ARHGEF4: variants seen among roughly 807,000 people sequenced by gnomAD.
ARHGEF4 encodes the protein APC-stimulated guanine nucleotide exchange factor 1.
Under a neutral mutation model 162.0 loss-of-function variants are expected in ARHGEF4, and 119 were observed. The observed-to-expected ratio is 0.73, with a 90% CI of 0.63 to 0.86. The LOEUF (loss-of-function observed/expected upper bound fraction) is 0.86, where lower values mean the gene tolerates loss of function less well. ARHGEF4 is among the 40% of genes least tolerant of loss of function. ARHGEF4 has a pLI of 0.00. For missense variants in ARHGEF4, 2,488 were observed against 2,456.0 expected, an observed-to-expected ratio of 1.01 and a Z score of -0.28; for synonymous variants, 1,014 against 979.9, an observed-to-expected ratio of 1.03 and a Z score of -0.65.
chr2:130,987,458 G>A (rs560300041), intron 4 of ARHGEF4, among the ~76,000 whole-genome samples: 12 of 152,360 alleles, frequency 7.9e-5, no homozygotes, highest in Non-Finnish European at 1.6e-4. Context: ...GCATGGAACA[G>A]GACCCAAGGG....
At chr2:130,843,397 G>A (rs571188248) in intron 1 of ARHGEF4, among the ~76,000 whole-genome samples, 70 of 152,372 alleles carry the variant, frequency 4.6e-4, no homozygotes, top group Middle Eastern at 3.4e-3. Flanking sequence ...TACAGAGGCT[G>A]GTCTCCTGCA....
chr2:130,966,548 C>T (rs1434650441), intron 4 of ARHGEF4, among the ~76,000 whole-genome samples: 1 of 152,238 alleles, frequency 6.6e-6, no homozygotes. Flanking sequence ...GGTGTGGTAA[C>T]TTATCCAAGG....
chr2:130,868,267 G>C (rs1461567108), intron 1 of ARHGEF4, among the ~76,000 whole-genome samples: 2 of 152,088 alleles, frequency 1.3e-5, no homozygotes, highest in African/African-American at 4.8e-5. Context: ...TGGGACTGGA[G>C]TCTCCTGGAC....
intron 1 of ARHGEF4, among the ~76,000 whole-genome samples, chr2:130,889,229 A>G (rs1679711678): frequency 6.6e-6 from 1 of 152,112 alleles, no homozygotes; most frequent in African/African-American, 2.4e-5. Flanking sequence ...TACCTTTCTC[A>G]TGGGTAATAT....
At chr2:130,849,603 C>G (rs1461249807) in intron 1 of ARHGEF4, among the ~76,000 whole-genome samples, 2 of 150,638 alleles carry the variant, frequency 1.3e-5, no homozygotes, top group African/African-American at 2.4e-5. Context: ...GAGTCTTGCT[C>G]TGTCACCCAG....
At chr2:130,977,173 A>G (rs189630339) in intron 4 of ARHGEF4, among the ~76,000 whole-genome samples, 1 of 149,072 alleles carries the variant, frequency 6.7e-6, no homozygotes, top group Non-Finnish European at 1.5e-5. Flanking sequence ...GCTTCTGTGT[A>G]TTGTGTGTTG....
chr2:131,006,714 G>A (rs767129294), intron 4 of ARHGEF4, among the ~76,000 whole-genome samples: 43 of 152,300 alleles, frequency 2.8e-4, no homozygotes, highest in Middle Eastern at 3.4e-3. Context: ...CCTGGACTGG[G>A]GAGTGGGACT....
In ARHGEF4 at chr2:131,044,372, A is replaced by G. The variant is rs1691069937; in HGVS notation, c.5231A>G (p.Glu1744Gly). 6.3e-7 allele frequency: 1 copy of G among 1,597,908 alleles called. No individual in the cohort carries two copies. The stretch of plus-strand genomic sequence containing the variant: ...GACGGCCTGGAGGTGGTGGACCTGG[A>G]GGACGGGAAGGACAGAGACCTCCAT... ...DMDGLEVVDL[E>G]DGKDRDLHVS... Residue 1744 changes from glutamate to glycine, a missense_variant, in exon 12 of 14, where the codon GAG becomes GGG. Glu to Gly is a moderately conservative substitution (Grantham distance 98). Transcript: ENST00000409359.
At chr2:130,961,407 C>T (rs1008426990) in intron 4 of ARHGEF4, among the ~76,000 whole-genome samples, 2 of 152,110 alleles carry the variant, frequency 1.3e-5, no homozygotes, top group African/African-American at 4.8e-5. Flanking sequence ...AGAAGAGCAT[C>T]CCAGGTGAAA....
At chr2:130,884,392 C>T (rs961652806) in intron 1 of ARHGEF4, among the ~76,000 whole-genome samples, 2 of 151,968 alleles carry the variant, frequency 1.3e-5, no homozygotes, top group Non-Finnish European at 2.9e-5. Flanking sequence ...ACTAGTTTTG[C>T]CATTTTCTAG....
intron 4 of ARHGEF4, among the ~76,000 whole-genome samples, chr2:131,026,730 G>A (rs567974355): frequency 2.0e-5 from 3 of 152,230 alleles, no homozygotes; most frequent in East Asian, 1.9e-4. Flanking sequence ...TAAATGTCTC[G>A]TAATGCCAAT....
rs1199231722 is a variant in ARHGEF4 at position 131,042,063 on chromosome 2, G to A, written c.5025+119G>A. ...CAGGGAGCTGCGCTCCTGGGAGCTAGCAACAGATGCTCATGGTGTGAAAGC... is the reference window on the plus strand; with the variant it reads ...CAGGGAGCTGCGCTCCTGGGAGCTAACAACAGATGCTCATGGTGTGAAAGC... On this transcript the variant is annotated intron_variant, in intron 10 of 13. Coordinates refer to ENST00000409359, the MANE Select transcript of ARHGEF4 (RefSeq NM_001367493.1). The A allele has an allele frequency of 1.2e-5, 17 of 1,366,736 alleles. No homozygotes were observed. In the East Asian group the frequency reaches 3.8e-4, roughly 30 times the overall value. The allele number at this position is 1,366,736 out of a possible 1,614,324, so 84.7% of individuals were successfully genotyped here.
At chr2:131,043,366 G>T in intron 10 of ARHGEF4, 86 bp from the exon 11 acceptor site, 1 of 1,573,056 alleles carries the variant, frequency 6.4e-7, no homozygotes, top group Admixed American at 1.7e-5. Context: ...CCAGGGGGAG[G>T]TGCGCCACCC....
chr2:130,958,501 C>G (rs1289117129), intron 4 of ARHGEF4, among the ~76,000 whole-genome samples: 5 of 151,882 alleles, frequency 3.3e-5, no homozygotes, highest in Admixed American at 6.6e-5. Flanking sequence ...CCTCCGCCCC[C>G]CCGATCCGAG....
chr2:130,950,360 T>C (rs947123423), intron 4 of ARHGEF4, among the ~76,000 whole-genome samples: 2 of 150,368 alleles, frequency 1.3e-5, no homozygotes, highest in African/African-American at 4.9e-5. Context: ...GCCAGGTACA[T>C]CTCTGAGAGT....
At chr2:130,911,093 G>C (rs999808309) in intron 1 of ARHGEF4, among the ~76,000 whole-genome samples, 1 of 152,124 alleles carries the variant, frequency 6.6e-6, no homozygotes, top group African/African-American at 2.4e-5. Flanking sequence ...TGAAGGTTTC[G>C]GCCAACGTCG....
chr2:131,009,263 A>G (rs967834257), intron 4 of ARHGEF4, among the ~76,000 whole-genome samples: 1 of 152,160 alleles, frequency 6.6e-6, no homozygotes, highest in Non-Finnish European at 1.5e-5. Flanking sequence ...TTCTGAGTTG[A>G]CAGTTTTTTT....
At chr2:130,988,858 G>A (rs1686698689) in intron 4 of ARHGEF4, among the ~76,000 whole-genome samples, 1 of 23,470 alleles carries the variant, frequency 4.3e-5, no homozygotes, top group Non-Finnish European at 1.2e-4. Flanking sequence ...TTGTGTGTGT[G>A]TGTGTGTGTG....
Position 130,917,315 on chromosome 2 carries a change from C to T in ARHGEF4, c.3369C>T (p.Tyr1123=). The T allele has an allele frequency of 6.4e-7, 1 of 1,550,604 alleles. No individual in the cohort carries two copies. Among genetic ancestry groups the T allele is most frequent in the Non-Finnish European group, 8.7e-7 (1 of 1,147,006 alleles). Reference sequence around the variant, plus strand: ...TCTCCATGGTTTCTCTTGGAAGCTACAGCTACGTGGACAGCAGTTCAGGGG... The same window carrying T: ...TCTCCATGGTTTCTCTTGGAAGCTATAGCTACGTGGACAGCAGTTCAGGGG... ...SAISMVSLGS[Y]SYVDSSSGDP... The change falls in exon 2 of 14, where the codon TAC becomes TAT. Residue 1123 remains tyrosine (Y), a synonymous_variant. Transcript: ENST00000409359.
Sources: allele counts gnomAD v4.1 joint callset (sites outside exome capture counted in the v4.1 genomes callset), GRCh38; gene constraint gnomAD v4.1.1; transcripts MANE v1.5; gene names NCBI Gene and HGNC (gene_info 2026-07-23, HGNC 2026-07-21).